Variants in SIPA1L2 observed in about 807,000 individuals in gnomAD.
SIPA1L2 encodes signal induced proliferation associated 1 like 2, also known as signal-induced proliferation-associated 1-like protein 2.
SIPA1L2 carries 56 observed loss-of-function variants against 163.9 expected under a neutral mutation model. The observed-to-expected ratio is 0.34, with a 90% CI of 0.28 to 0.43. The LOEUF (loss-of-function observed/expected upper bound fraction) is 0.43, where lower values mean the gene tolerates loss of function less well. Ranked by LOEUF, SIPA1L2 falls within the 20% of genes least tolerant of loss-of-function variation. SIPA1L2 has a pLI of 1.00. For synonymous variants in SIPA1L2, 877 were observed against 865.7 expected (o/e 1.01, Z -0.23); for missense variants, 1,974 against 2,193.5 (o/e 0.90, Z 2.00).
intron 2 of SIPA1L2, among the ~76,000 whole-genome samples, chr1:232,534,395 G>A (rs1657176784): frequency 6.6e-6 from 1 of 152,168 alleles, no homozygotes; most frequent in South Asian, 2.1e-4. Context: ...AACTAAAAAT[G>A]GATCAAAGGC....
intron 22 of SIPA1L2, among the ~76,000 whole-genome samples, chr1:232,399,848 G>GC (rs1334551106): frequency 6.6e-6 from 1 of 151,566 alleles, no homozygotes; most frequent in African/African-American, 2.4e-5. Context: ...AGCAGTTTCA[G>GC]TTCCCCCCCT....
chr1:232,583,838 T>C (rs1660508329), intron 1 of SIPA1L2, among the ~76,000 whole-genome samples: 1 of 149,950 alleles, frequency 6.7e-6, no homozygotes, highest in Non-Finnish European at 1.5e-5. Flanking sequence ...ATGCTGGGGC[T>C]CAGAAAATGA....
chr1:232,453,380 C>T (rs572958319), intron 10 of SIPA1L2, among the ~76,000 whole-genome samples: 5 of 152,188 alleles, frequency 3.3e-5, no homozygotes, highest in African/African-American at 4.8e-5. Flanking sequence ...GCAGTCACAG[C>T]TTCATCTAAT....
intron 1 of SIPA1L2, among the ~76,000 whole-genome samples, chr1:232,577,375 G>C (rs1660134742): frequency 6.6e-6 from 1 of 152,180 alleles, no homozygotes; most frequent in Non-Finnish European, 1.5e-5. Context: ...ACCTCTGACA[G>C]AGGTGTACAA....
At chr1:232,496,724 T>A (rs1666215291) in intron 3 of SIPA1L2, among the ~76,000 whole-genome samples, 1 of 152,186 alleles carries the variant, frequency 6.6e-6, no homozygotes, top group South Asian at 2.1e-4. Flanking sequence ...TAAAACTAAA[T>A]CATTTTGGAA....
At chr1:232,492,177 G>A (rs1042590645) in intron 4 of SIPA1L2, among the ~76,000 whole-genome samples, 2 of 151,966 alleles carry the variant, frequency 1.3e-5, no homozygotes, top group African/African-American at 4.8e-5. Context: ...ATGAACAGGG[G>A]TACACATGTT....
intron 2 of SIPA1L2, among the ~76,000 whole-genome samples, chr1:232,565,689 C>T (rs1368956249): frequency 1.3e-5 from 2 of 152,176 alleles, no homozygotes; most frequent in Non-Finnish European, 2.9e-5. Flanking sequence ...AAAATTATCA[C>T]CTTTTACTGC....
chr1:232,540,249 G>A (rs10910553), intron 2 of SIPA1L2, among the ~76,000 whole-genome samples: 34,702 of 151,954 alleles, frequency 0.23, 4,678 homozygotes, highest in African/African-American at 0.38. Context: ...CGTTGCAGTG[G>A]GCCGAGGTCA....
chr1:232,586,153 G>A (rs6684413), intron 1 of SIPA1L2, among the ~76,000 whole-genome samples: 115,400 of 152,032 alleles, frequency 0.76, 44,628 homozygotes, highest in East Asian at 0.92. Context: ...CTCTGTCTCC[G>A]CACAGCGATA....
At chr1:232,558,147 T>A (rs1264769369) in intron 2 of SIPA1L2, among the ~76,000 whole-genome samples, 2 of 151,998 alleles carry the variant, frequency 1.3e-5, no homozygotes, top group Non-Finnish European at 2.9e-5. Context: ...GGAGAAAAGA[T>A]AACCCACTGA....
intron 15 of SIPA1L2, 23 bp from the exon 16 acceptor site, chr1:232,432,494 G>T: frequency 6.2e-7 from 1 of 1,600,228 alleles, no homozygotes. Flanking sequence ...ACAGACAAAA[G>T]CTGCAATACA....
intron 2 of SIPA1L2, among the ~76,000 whole-genome samples, chr1:232,542,437 T>C (rs756076104): frequency 6.6e-6 from 1 of 152,234 alleles, no homozygotes; most frequent in Non-Finnish European, 1.5e-5. Context: ...GTATTTATCA[T>C]AAAGTTCTAA....
At chr1:232,435,979 T>C (rs544562425) in intron 15 of SIPA1L2, among the ~76,000 whole-genome samples, 2 of 152,218 alleles carry the variant, frequency 1.3e-5, no homozygotes, top group Admixed American at 6.5e-5. Context: ...TGCGTGTGTG[T>C]GCCTGGGGCT....
chr1:232,607,580 C>T (rs1013512222), intron 1 of SIPA1L2, among the ~76,000 whole-genome samples: 1 of 152,096 alleles, frequency 6.6e-6, no homozygotes, highest in Non-Finnish European at 1.5e-5. Context: ...AGACAAGGAA[C>T]GCCATGCTTG....
Position 232,483,837 on chromosome 1 carries a change from G to A in SIPA1L2, c.1936C>T (p.Arg646Ter). ...CGATATTTACTAAATCCTTTCAGTC[G>A]GACTCTCTGGCCCAGAAGATCAAGG... ...EFLDLLGQRV[R>*]LKGFSKYRAQ... The change falls in exon 6 of 23, where the codon CGA (arginine) becomes TGA (stop). Residue 646 changes from arginine to a stop codon, truncating the protein, a stop_gained. Transcript: ENST00000674635. LOFTEE classifies it high-confidence loss of function. The A allele has an allele frequency of 6.2e-7, 1 of 1,613,914 alleles. No individual in the cohort carries two copies. Among genetic ancestry groups the A allele is most frequent in the Non-Finnish European group, 8.5e-7 (1 of 1,179,934 alleles).
In SIPA1L2 at chr1:232,433,386, T is replaced by C. The variant is rs570027675; in HGVS notation, c.4032-915A>G. Among the ~76,000 whole-genome samples the C allele has an allele frequency of 1.2e-4, 18 of 152,160 alleles. No individual in the cohort carries two copies. The South Asian group carries it at 2.7e-3, about 23-fold the overall frequency. ...AAATGTAAAGAAAATGAGGGGATGA[T>C]TATCACAAAAGCCAGGTTAGTGGCT... On this transcript the variant is annotated intron_variant, in intron 15 of 22. Coordinates refer to ENST00000674635, the MANE Select transcript of SIPA1L2 (RefSeq NM_020808.5).
intron 2 of SIPA1L2, among the ~76,000 whole-genome samples, chr1:232,546,846 T>A (rs10910554): frequency 0.2 from 29,910 of 152,090 alleles, 3,204 homozygotes; most frequent in East Asian, 0.33. Flanking sequence ...CCTGTCAGGA[T>A]GGGGCTGATC....
chr1:232,464,694 C>T, intron 9 of SIPA1L2, 146 bp downstream of exon 9: 1 of 649,346 alleles, frequency 1.5e-6, no homozygotes, highest in Non-Finnish European at 2.5e-6. Context: ...AAGGACCCAG[C>T]ATTTAAAATT....
At chr1:232,550,303 T>G (rs910601692) in intron 2 of SIPA1L2, among the ~76,000 whole-genome samples, 1 of 152,194 alleles carries the variant, frequency 6.6e-6, no homozygotes, top group African/African-American at 2.4e-5. Context: ...TTTGCATTTC[T>G]CAGTATTTTA....
Sources: gnomAD v4.1 joint callset for allele counts (sites outside exome capture counted in the v4.1 genomes callset) on GRCh38, gnomAD v4.1.1 for gene constraint, MANE v1.5 for transcripts, NCBI Gene and HGNC (gene_info 2026-07-23, HGNC 2026-07-21) for gene names.